SPAG16: variants seen among roughly 807,000 people sequenced by gnomAD.
SPAG16 encodes sperm associated antigen 16, also known as sperm-associated antigen 16 protein.
A neutral mutation model predicts 80.4 loss-of-function variants in SPAG16; 86 were observed. The observed-to-expected ratio is 1.07, with a 90% CI of 0.90 to 1.28. SPAG16 has a LOEUF of 1.28. Ranked by LOEUF, SPAG16 falls within the 50% of genes most tolerant of loss-of-function variation. SPAG16 has a pLI of 0.00. For synonymous variants in SPAG16, 294 were observed against 265.9 expected (o/e 1.11, Z -1.03); for missense variants, 870 against 765.3 (o/e 1.14, Z -1.61).
intron 5 of SPAG16, among the ~76,000 whole-genome samples, chr2:213,335,221 A>G (rs959799005): frequency 6.6e-6 from 1 of 152,242 alleles, no homozygotes; most frequent in Non-Finnish European, 1.5e-5. Context: ...TGTCACAAAC[A>G]TAATGAACTG....
chr2:214,290,401 CT>C lies in SPAG16; in HGVS notation c.1721-119736del, dbSNP rs573865800. The stretch of plus-strand genomic sequence containing the variant: ...AGCTCTGATCTGATATTTACTATTT[CT>C]TTCCTTCTGATAATTTTGGATTTGA... On this transcript the variant is annotated intron_variant, in intron 15 of 15. Transcript: ENST00000331683. Among the ~76,000 whole-genome samples the C allele has an allele frequency of 1.6e-4, 10 of 62,676 alleles. No individual in the cohort carries two copies. In the South Asian group the frequency reaches 4.1e-3, roughly 26 times the overall value. The allele number at this position is 62,676 out of a possible 152,430, so 41.1% of individuals were successfully genotyped here.
At chr2:213,913,141 G>A (rs1166083767) in intron 11 of SPAG16, among the ~76,000 whole-genome samples, 2 of 151,920 alleles carry the variant, frequency 1.3e-5, no homozygotes, top group Non-Finnish European at 2.9e-5. Context: ...GAATGTATAT[G>A]GTCATCTGAG....
At chr2:214,201,394 G>A (rs561448181) in intron 15 of SPAG16, among the ~76,000 whole-genome samples, 1 of 152,290 alleles carries the variant, frequency 6.6e-6, no homozygotes, top group Non-Finnish European at 1.5e-5. Context: ...ATACATGAGA[G>A]ATACCTGCAA....
chr2:213,414,424 T>TA (rs2069144591), intron 9 of SPAG16, among the ~76,000 whole-genome samples: 2 of 152,318 alleles, frequency 1.3e-5, no homozygotes, highest in South Asian at 4.1e-4. Flanking sequence ...TGTTCTTTAT[T>TA]AAAAAACCTG....
chr2:213,583,865 T>C (rs1200148230), intron 10 of SPAG16, among the ~76,000 whole-genome samples: 1 of 152,216 alleles, frequency 6.6e-6, no homozygotes, highest in Non-Finnish European at 1.5e-5. Context: ...TTGTAGTACC[T>C]GTGAAGATTG....
chr2:214,344,580 A>C (rs748025981), intron 15 of SPAG16, among the ~76,000 whole-genome samples: 4 of 152,212 alleles, frequency 2.6e-5, no homozygotes, highest in Non-Finnish European at 4.4e-5. Flanking sequence ...AATGAAAATC[A>C]GGGTCAAACT....
intron 15 of SPAG16, among the ~76,000 whole-genome samples, chr2:214,290,940 C>A (rs1441198672): frequency 1.3e-5 from 2 of 152,096 alleles, no homozygotes; most frequent in Non-Finnish European, 2.9e-5. Context: ...ATTAAAAGTG[C>A]AATTTAAATC....
intron 9 of SPAG16, among the ~76,000 whole-genome samples, chr2:213,467,454 A>G (rs2072762286): frequency 6.6e-6 from 1 of 152,222 alleles, no homozygotes; most frequent in African/African-American, 2.4e-5. Context: ...ATGATTTAAA[A>G]GGCACGAGTA....
chr2:213,893,386 C>G (rs1053865815), intron 11 of SPAG16, among the ~76,000 whole-genome samples: 10 of 152,132 alleles, frequency 6.6e-5, no homozygotes, highest in Non-Finnish European at 1.2e-4. Flanking sequence ...ATAAAACCCA[C>G]TGTTATAATT....
chr2:213,881,708 G>A (rs911469346), intron 11 of SPAG16, among the ~76,000 whole-genome samples: 1 of 152,160 alleles, frequency 6.6e-6, no homozygotes, highest in African/African-American at 2.4e-5. Flanking sequence ...AGAACAACAT[G>A]GGAGAAACTG....
Position 214,014,030 on chromosome 2 carries a change from C to A in SPAG16, c.1480C>A (p.Leu494Ile), listed in dbSNP as rs749794530. The A allele has an allele frequency of 1.2e-5, 20 of 1,613,426 alleles. No individual in the cohort carries two copies. The highest frequency in any genetic ancestry group is 1.7e-5 in the Non-Finnish European group (20 of 1,179,762). Reference sequence around the variant, plus strand: ...GTTTTTTCCTTTCTCCAATACTCTTCTCACAAGCTCTGCAGACAAGACCCT... The same window carrying A: ...GTTTTTTCCTTTCTCCAATACTCTTATCACAAGCTCTGCAGACAAGACCCT... ...IEFFPFSNTL[L>I]TSSADKTLSI... Residue 494 changes from leucine to isoleucine, a missense_variant, in exon 13 of 16, where the codon CTC (leucine) becomes ATC (isoleucine). By Grantham distance (5) the Leu-to-Ile change is conservative. Transcript: ENST00000331683.
At chr2:213,672,257 T>C (rs936566418) in intron 10 of SPAG16, among the ~76,000 whole-genome samples, 2 of 147,798 alleles carry the variant, frequency 1.4e-5, no homozygotes, top group Non-Finnish European at 3.1e-5. Context: ...AGAATTCTCT[T>C]CTTTTCCTCA....
chr2:213,588,907 C>G (rs1487389929), intron 10 of SPAG16, among the ~76,000 whole-genome samples: 1 of 136,428 alleles, frequency 7.3e-6, no homozygotes. Context: ...ACAATCAGTT[C>G]TTATATCAAG....
At chr2:213,317,569 G>T in intron 5 of SPAG16, 1 of 1,217,362 alleles carries the variant, frequency 8.2e-7, no homozygotes, top group Non-Finnish European at 1.0e-6. Context: ...GGGAATGCAG[G>T]TAGTTGTTTA....
At chr2:214,402,735 G>T (rs1018627041) in intron 15 of SPAG16, among the ~76,000 whole-genome samples, 2 of 151,946 alleles carry the variant, frequency 1.3e-5, no homozygotes, top group Admixed American at 1.3e-4. Flanking sequence ...ACATTGGATG[G>T]TCTCCAGAAG....
At chr2:213,973,862 T>G (rs2045217030) in intron 12 of SPAG16, among the ~76,000 whole-genome samples, 1 of 152,102 alleles carries the variant, frequency 6.6e-6, no homozygotes, top group Non-Finnish European at 1.5e-5. Flanking sequence ...ACCTGTGAAT[T>G]ATAAGACTTG....
Position 213,575,112 on chromosome 2 carries a change from C to T in SPAG16, c.1070+85022C>T, listed in dbSNP as rs193266787. 9.9e-5 allele frequency among the ~76,000 whole-genome samples: 15 copies of T among 152,222 alleles called. No homozygotes were observed. In the East Asian group the frequency reaches 1.9e-3, roughly 20 times the overall value. On this transcript the variant is annotated intron_variant, in intron 10 of 15. Coordinates refer to ENST00000331683, the MANE Select transcript of SPAG16 (RefSeq NM_024532.5). ...AACATTATTCATCAACACAATGCTA[C>T]TAGTATCTCTAAAGTCTTTAGTTAT...
chr2:213,319,884 CATCTT>C (rs1485492186), intron 5 of SPAG16, among the ~76,000 whole-genome samples: 1 of 151,912 alleles, frequency 6.6e-6, no homozygotes, highest in Non-Finnish European at 1.5e-5. Context: ...TCAAATAAAA[CATCTT>C]GTCTTACTAA....
intron 15 of SPAG16, among the ~76,000 whole-genome samples, chr2:214,373,392 T>C (rs1699932728): frequency 6.6e-6 from 1 of 152,184 alleles, no homozygotes; most frequent in South Asian, 2.1e-4. Context: ...ACACATTGTA[T>C]AGTTAAACCT....
Sources: gnomAD v4.1 joint callset for allele counts (sites outside exome capture counted in the v4.1 genomes callset) on GRCh38, gnomAD v4.1.1 for gene constraint, MANE v1.5 for transcripts, NCBI Gene and HGNC (gene_info 2026-07-23, HGNC 2026-07-21) for gene names.